The following CDKN2A variants were observed in gnomAD, a reference collection of about 807,000 sequenced individuals.
CDKN2A encodes cyclin dependent kinase inhibitor 2A.
In CDKN2A, 3 loss-of-function variants were observed where a neutral mutation model predicts 11.1. The observed-to-expected ratio is 0.27, with a 90% CI of 0.12 to 0.70. The LOEUF (loss-of-function observed/expected upper bound fraction) is 0.70, where lower values mean the gene tolerates loss of function less well. CDKN2A is among the 30% of genes least tolerant of loss of function. The pLI is 0.77. For missense variants in CDKN2A, 265 were observed against 233.6 expected, an observed-to-expected ratio of 1.13 and a Z score of -0.88; for synonymous variants, 122 against 108.1, an observed-to-expected ratio of 1.13 and a Z score of -0.80.
intron 1 of CDKN2A, among the ~76,000 whole-genome samples, chr9:21,972,808 G>T (rs1819829776): frequency 6.6e-6 from 1 of 152,142 alleles, no homozygotes; most frequent in Non-Finnish European, 1.5e-5. Flanking sequence ...AAATTTGAGT[G>T]CTGCATGGTG....
intron 2 of CDKN2A, chr9:21,992,122 A>T: frequency 1.2e-6 from 1 of 816,342 alleles, no homozygotes; most frequent in Non-Finnish European, 1.5e-6. Context: ...CATAATAAAC[A>T]TATTTGCAGA....
rs1296125563 is a variant in CDKN2A, at chr9:21,968,812, T to G, written c.458-570A>C. ...TGCTCATTTATTCATGTGCTCTGGC[T>G]TCTGCCTTCCTCTCTAATCTCGTTG... On this transcript the variant is annotated intron_variant, in intron 2 of 2. Coordinates refer to ENST00000304494, the MANE Select transcript of CDKN2A (RefSeq NM_000077.5). This position sits in a 1 kb window ranked among gnomAD's most constrained non-coding sequence, Gnocchi z 4.7. The G allele has an allele frequency of 6.5e-7, 1 of 1,532,912 alleles. No individual in the cohort carries two copies. The highest frequency in any genetic ancestry group is 8.7e-7 in the Non-Finnish European group (1 of 1,144,052). 95.0% of individuals were successfully genotyped at this position (1,532,912 alleles called of 1,614,324 possible).
At chr9:21,982,685 T>C (rs1202908295) in intron 2 of CDKN2A, among the ~76,000 whole-genome samples, 1 of 151,934 alleles carries the variant, frequency 6.6e-6, no homozygotes, top group Non-Finnish European at 1.5e-5. Context: ...TAAACATAAT[T>C]AGAGGAGATA....
intron 2 of CDKN2A, among the ~76,000 whole-genome samples, chr9:21,989,019 T>C (rs976226680): frequency 6.6e-6 from 1 of 152,244 alleles, no homozygotes; most frequent in African/African-American, 2.4e-5. Flanking sequence ...ATTGGTTTTG[T>C]ATGTGATTTA....
intron 2 of CDKN2A, chr9:21,992,569 T>G (rs759974742): frequency 2.3e-6 from 1 of 442,954 alleles, no homozygotes; most frequent in Non-Finnish European, 3.0e-6. Context: ...CTATAAAATA[T>G]TTTCTCTAAC....
At chr9:21,982,595 G>A (rs1359374571) in intron 2 of CDKN2A, among the ~76,000 whole-genome samples, 1 of 151,920 alleles carries the variant, frequency 6.6e-6, no homozygotes, top group African/African-American at 2.4e-5. Flanking sequence ...CATACTATAT[G>A]CACATATTTG....
At chr9:21,982,897 G>T (rs531347845) in intron 2 of CDKN2A, among the ~76,000 whole-genome samples, 5 of 151,784 alleles carry the variant, frequency 3.3e-5, no homozygotes, top group African/African-American at 9.6e-5. Flanking sequence ...GAGTGCTTAA[G>T]TAATAAGGAA....
At chr9:21,982,393 C>T (rs1820215085) in intron 2 of CDKN2A, among the ~76,000 whole-genome samples, 1 of 152,048 alleles carries the variant, frequency 6.6e-6, no homozygotes, top group Admixed American at 6.5e-5. Flanking sequence ...GAGAAATTTA[C>T]TATTAAAATA....
At position 21,968,478 on chromosome 9, in the gene CDKN2A, G is replaced by C. The variant is rs1587325854; in HGVS notation, c.458-236C>G. ...CGCGCCGACCGCTCAAGCGCTCCAG[G>C]TCCACCCGGCGGAGGGCAGAGAAAG... On this transcript the variant is annotated intron_variant, in intron 2 of 2. Transcript: ENST00000304494. This position sits in a 1 kb window ranked among gnomAD's most constrained non-coding sequence, Gnocchi z 4.7. 2.0e-6 allele frequency: 3 copies of C among 1,466,930 alleles called. No individual in the cohort carries two copies. The highest frequency in any genetic ancestry group is 2.5e-5 in the East Asian group (1 of 40,410). The allele number at this position is 1,466,930 out of a possible 1,614,324, so 90.9% of individuals were successfully genotyped here.
chr9:21,971,650 T>A (rs561131850), intron 1 of CDKN2A, among the ~76,000 whole-genome samples: 32 of 146,552 alleles, frequency 2.2e-4, no homozygotes, highest in African/African-American at 8.0e-4. Context: ...AGAAAACTTG[T>A]TTGTTTGTTA....
At position 21,992,460 on chromosome 9, in the gene CDKN2A, G is replaced by A. The variant is rs935185149; in HGVS notation, c.-4+1422C>T. On this transcript the variant is annotated intron_variant, in intron 2 of 3. Transcript: ENST00000494262. ...CCTGAAGATTGCGCTTTTCACATAC[G>A]TCCTGAAAATTGATTTATACCTAAA... 16 of 967,702 alleles carry A rather than the reference G, an allele frequency of 1.7e-5. No individual in the cohort carries two copies. The Middle Eastern group carries it at 1.6e-3, about 95-fold the overall frequency. The allele number at this position is 967,702 out of a possible 1,614,324, so 59.9% of individuals were successfully genotyped here. A position where few individuals can be genotyped will look rare whatever the true frequency, so the allele number is the denominator to read the frequency against.
intron 1 of CDKN2A, 44 bp from the exon 2 acceptor site, chr9:21,971,252 C>T (rs1266725594): frequency 6.3e-7 from 1 of 1,577,310 alleles, no homozygotes; most frequent in South Asian, 1.1e-5. Context: ...TGGGGGCCGG[C>T]ATGACGGAAA....
rs1206697165 is a variant in CDKN2A at position 21,968,939 on chromosome 9, C to G, written c.458-697G>C. Reference sequence around the variant, plus strand: ...TGAGGGAGCATTTGCACTTGAAAGTCTCTTTTTACGTTTATTCCTGAGGCA... The same window carrying G: ...TGAGGGAGCATTTGCACTTGAAAGTGTCTTTTTACGTTTATTCCTGAGGCA... On this transcript the variant is annotated intron_variant, in intron 2 of 2. Coordinates refer to ENST00000304494, the MANE Select transcript of CDKN2A (RefSeq NM_000077.5). This position sits in a 1 kb window ranked among gnomAD's most constrained non-coding sequence, Gnocchi z 4.7. Among the ~76,000 whole-genome samples the G allele has an allele frequency of 6.6e-6, 1 of 152,158 alleles. No homozygotes were observed. The highest frequency in any genetic ancestry group is 1.5e-5 in the Non-Finnish European group (1 of 68,032).
upstream of CDKN2A, among the ~76,000 whole-genome samples, chr9:21,976,039 T>C (rs946295566): frequency 2.6e-5 from 4 of 152,200 alleles, no homozygotes; most frequent in Non-Finnish European, 4.4e-5. Context: ...TCTTGAATTA[T>C]CCGCTTTGAG....
At position 21,988,958 on chromosome 9, in the gene CDKN2A, CCTCA is replaced by C. The variant is rs1181174346; in HGVS notation, c.-4+4920_-4+4923del. Among the ~76,000 whole-genome samples, 1 of 152,154 alleles carries C rather than the reference CCTCA, an allele frequency of 6.6e-6. No homozygotes were observed. The highest frequency in any genetic ancestry group is 1.5e-5 in the Non-Finnish European group (1 of 68,028). ...ATCGTTCTGCTCTTTGGAAATTCTC[CCTCA>C]CTTTCTTCATAATGCCGTCCTTGAC... On this transcript the variant is annotated intron_variant, in intron 2 of 3. Coordinates refer to the CDKN2A transcript ENST00000494262. The surrounding 1 kb of genome is among the most constrained non-coding windows in gnomAD (Gnocchi z 4.1).
upstream of CDKN2A, among the ~76,000 whole-genome samples, chr9:21,978,124 G>A (rs540821327): frequency 7.3e-6 from 1 of 136,776 alleles, no homozygotes; most frequent in East Asian, 2.3e-4. Context: ...TCTTATGTAG[G>A]GGGGAGGGGG....
upstream of CDKN2A, among the ~76,000 whole-genome samples, chr9:21,976,855 A>G (rs1235754996): frequency 2.6e-5 from 4 of 152,398 alleles, no homozygotes; most frequent in East Asian, 7.7e-4. Context: ...GCAAGGAGGT[A>G]AAAGTTCTAA....
intron 2 of CDKN2A, among the ~76,000 whole-genome samples, chr9:21,993,378 GCTAA>G (rs1178839475): frequency 6.6e-6 from 1 of 152,186 alleles, no homozygotes; most frequent in Non-Finnish European, 1.5e-5. Context: ...TTTAAACTGT[GCTAA>G]CTGTCGTCTG....
In CDKN2A at chr9:21,970,957, C is replaced by A. The variant is rs878853649; in HGVS notation, c.402G>T (p.Ala134=). ...RDVARYLRAA[A]GGTRGSNHAR... is the part of the protein sequence containing the mutation. ...CATGGTTACTGCCTCTGGTGCCCCC[C>A]GCAGCCGCGCGCAGGTACCGTGCGA... Residue 134 remains alanine, a synonymous_variant, in exon 2 of 3, where the codon GCG becomes GCT. Transcript: ENST00000304494. 9 of 1,611,668 alleles carry A rather than the reference C, an allele frequency of 5.6e-6. No homozygotes were observed. The highest frequency in any genetic ancestry group is 7.6e-6 in the Non-Finnish European group (9 of 1,180,036).
Sources: gnomAD v4.1 joint callset for allele counts (sites outside exome capture counted in the v4.1 genomes callset) on GRCh38, gnomAD v4.1.1 for gene constraint, Gnocchi (gnomAD v3.1) non-coding constraint, MANE v1.5 for transcripts, NCBI Gene and HGNC (gene_info 2026-07-23, HGNC 2026-07-21) for gene names.